Variants in ARHGEF17 observed in about 807,000 individuals in gnomAD.
The protein encoded by ARHGEF17 is 164 kDa Rho-specific guanine-nucleotide exchange factor.
In ARHGEF17, 80 loss-of-function variants were observed where a neutral mutation model predicts 174.0. The ratio of observed to expected loss-of-function variants is 0.46; its 90% CI spans 0.38 to 0.55. ARHGEF17 has a LOEUF of 0.55. ARHGEF17 is among the 20% of genes least tolerant of loss of function. The pLI is 0.00. For missense variants in ARHGEF17, 2,886 were observed against 2,839.7 expected, an observed-to-expected ratio of 1.02 and a Z score of -0.37; for synonymous variants, 1,311 against 1,189.1, an observed-to-expected ratio of 1.10 and a Z score of -2.11.
Position 73,355,539 on chromosome 11 carries a change from A to G in ARHGEF17, c.3460A>G (p.Lys1154Glu), listed in dbSNP as rs768429653. The part of the protein sequence containing the change: ...VGALLVQSFS[K>E]DVLVNIYSAY... The stretch of plus-strand genomic sequence containing the variant: ...CCTGCCTCCTCCTCCACAGTTCTCC[A>G]AGGATGTCCTAGTAAACATCTATTC... The change falls in exon 4 of 21, where the codon AAG becomes GAG. Residue 1154 changes from lysine to glutamate, a missense_variant. Transcript: ENST00000263674. The G allele has an allele frequency of 1.2e-5, 20 of 1,613,188 alleles. No homozygotes were observed. Among genetic ancestry groups the G allele is most frequent in the African/African-American group, 1.2e-4 (9 of 74,908 alleles).
chr11:73,346,674 G>A (rs1288010780), intron 1 of ARHGEF17, among the ~76,000 whole-genome samples: 2 of 152,132 alleles, frequency 1.3e-5, no homozygotes, highest in African/African-American at 2.4e-5. Context: ...GGTGTAAGTC[G>A]GGGGCAGGGG....
chr11:73,315,603 G>A (rs895159218), intron 1 of ARHGEF17, among the ~76,000 whole-genome samples: 3 of 152,170 alleles, frequency 2.0e-5, no homozygotes, highest in African/African-American at 4.8e-5. Flanking sequence ...TTGGAATTCT[G>A]AGCGGTACCA....
chr11:73,360,187 A>G (rs959134720), intron 10 of ARHGEF17, 133 bp from the exon 11 acceptor site: 18 of 1,064,624 alleles, frequency 1.7e-5, no homozygotes, highest in Non-Finnish European at 2.4e-5. Context: ...CCATATATCA[A>G]AGGAATCCAG....
chr11:73,310,229 C>A lies in ARHGEF17; in HGVS notation c.1591C>A (p.Arg531Ser). ...CCCAGCCCCAGCATCACCTGGCACG[C>A]GCCCCACACTCAAGGACTTGACAGC... is the stretch of plus-strand genomic sequence containing the variant. ...PIPAPASPGT[R>S]PTLKDLTATL... The change falls in exon 1 of 21, where the codon CGC becomes AGC. Residue 531 changes from arginine (R) to serine (S), a missense_variant. Around this residue, in one of 4 missense-constraint regions of ARHGEF17, gnomAD observed 1,728 missense variants for 1,461.2 expected, o/e 1.18. Coordinates refer to ENST00000263674, the MANE Select transcript of ARHGEF17 (RefSeq NM_014786.4). The A allele has an allele frequency of 1.2e-6, 2 of 1,614,008 alleles. No individual in the cohort carries two copies. Among genetic ancestry groups the A allele is most frequent in the Non-Finnish European group, 8.5e-7 (1 of 1,180,042 alleles).
intron 6 of ARHGEF17, 51 bp from the exon 7 acceptor site, chr11:73,356,658 A>T: frequency 2.5e-6 from 4 of 1,609,618 alleles, no homozygotes; most frequent in Non-Finnish European, 3.4e-6. Context: ...TTTGGAGGGG[A>T]TAGGGATTAA....
intron 1 of ARHGEF17, among the ~76,000 whole-genome samples, chr11:73,336,278 C>G (rs1865285192): frequency 6.6e-6 from 1 of 152,200 alleles, no homozygotes; most frequent in Admixed American, 6.5e-5. Context: ...ATACATAACT[C>G]AGAGGACTGG....
Position 73,363,949 on chromosome 11 carries a change from G to A in ARHGEF17, c.5333+116G>A, listed in dbSNP as rs1347068078. Reference sequence around the variant, plus strand: ...TCCCTCCTCTGTGTGGAGGCTGGAAGCCAGAGGCCTGGCCCTAGGCTAGCT... The same window carrying A: ...TCCCTCCTCTGTGTGGAGGCTGGAAACCAGAGGCCTGGCCCTAGGCTAGCT... On this transcript the variant is annotated intron_variant, in intron 16 of 20. Coordinates refer to ENST00000263674, the MANE Select transcript of ARHGEF17 (RefSeq NM_014786.4). 5.7e-6 allele frequency: 7 copies of A among 1,237,134 alleles called. No individual in the cohort carries two copies. In the African/African-American group the frequency reaches 8.9e-5, roughly 16 times the overall value. The allele number at this position is 1,237,134 out of a possible 1,614,324, so 76.6% of individuals were successfully genotyped here.
rs1266946433 is a variant in ARHGEF17, at chr11:73,308,795, C to T, written c.157C>T (p.Gln53Ter). The T allele has an allele frequency of 7.3e-7, 1 of 1,377,538 alleles. No homozygotes were observed. Among genetic ancestry groups the T allele is most frequent in the Non-Finnish European group, 9.3e-7 (1 of 1,073,046 alleles). The allele number at this position is 1,377,538 out of a possible 1,614,324, so 85.3% of individuals were successfully genotyped here. A position where few individuals can be genotyped will look rare whatever the true frequency, so the allele number is the denominator to read the frequency against. The change falls in exon 1 of 21, where the codon CAG becomes TAG. Residue 53 changes from glutamine (Q) to a stop codon, truncating the protein, a stop_gained. Coordinates refer to ENST00000263674, the MANE Select transcript of ARHGEF17 (RefSeq NM_014786.4). LOFTEE classifies it high-confidence loss of function. ...CCGGCCGACCACGGCTGCCCGGGGC[C>T]AGCCCTCTCGGCGCGTGTCCAAGCT... is the stretch of plus-strand genomic sequence containing the variant. ...SCRPTTAARG[Q>*]PSRRVSKLAS... is the part of the protein sequence containing the mutation.
intron 1 of ARHGEF17, among the ~76,000 whole-genome samples, chr11:73,333,647 G>T (rs1865244494): frequency 6.6e-6 from 1 of 152,176 alleles, no homozygotes. Flanking sequence ...TGGAGTGACC[G>T]ACTGATGGGT....
At position 73,310,998 on chromosome 11, in the gene ARHGEF17, C is replaced by A. The variant is rs775130420; in HGVS notation, c.2360C>A (p.Ser787Tyr). 6.2e-7 allele frequency: 1 copy of A among 1,614,164 alleles called. No individual in the cohort carries two copies. Among genetic ancestry groups the A allele is most frequent in the Admixed American group, 1.7e-5 (1 of 60,024 alleles). The change falls in exon 1 of 21, where the codon TCT becomes TAT. Residue 787 changes from serine to tyrosine, a missense_variant. Ser to Tyr is a moderately radical substitution (Grantham distance 144, BLOSUM62 -2). Around this residue, in one of 4 missense-constraint regions of ARHGEF17, gnomAD observed 1,728 missense variants for 1,461.2 expected, o/e 1.18. Transcript: ENST00000263674. ...TTGACCAGTGGTCACAGTGACTGGT[C>A]TGTGGGCAGTGAAGAGAGCAAGGGA... ...EGLTSGHSDWSVGSEESKGYQ... is the reference protein window; with the variant it reads ...EGLTSGHSDWYVGSEESKGYQ...
At chr11:73,352,482 G>A (rs1028284669) in intron 2 of ARHGEF17, among the ~76,000 whole-genome samples, 6 of 152,288 alleles carry the variant, frequency 3.9e-5, no homozygotes, top group Middle Eastern at 3.4e-3. Flanking sequence ...TGCCTGGTAC[G>A]TAGTAAGTGC....
chr11:73,361,725 G>A (rs964858538), intron 12 of ARHGEF17, among the ~76,000 whole-genome samples: 1 of 151,954 alleles, frequency 6.6e-6, no homozygotes, highest in Non-Finnish European at 1.5e-5. Flanking sequence ...TTAGTGGCGC[G>A]CCCCTGTGGT....
In ARHGEF17 at chr11:73,364,155, C is replaced by T; in HGVS notation, c.5334-17C>T. 1 of 1,613,956 alleles carries T rather than the reference C, an allele frequency of 6.2e-7. No homozygotes were observed. Among genetic ancestry groups the T allele is most frequent in the Non-Finnish European group, 8.5e-7 (1 of 1,179,924 alleles). On this transcript the variant is annotated splice_polypyrimidine_tract_variant and intron_variant, in intron 16 of 20. Coordinates refer to ENST00000263674, the MANE Select transcript of ARHGEF17 (RefSeq NM_014786.4). Reference sequence around the variant, plus strand: ...GCTGCCTGAACTCCCTTACTGCTTCCTCTTTTCCCTACCCAGGTATCTGAA... The same window carrying T: ...GCTGCCTGAACTCCCTTACTGCTTCTTCTTTTCCCTACCCAGGTATCTGAA...
chr11:73,336,141 T>C (rs753347815), intron 1 of ARHGEF17, among the ~76,000 whole-genome samples: 1 of 152,208 alleles, frequency 6.6e-6, no homozygotes, highest in Non-Finnish European at 1.5e-5. Context: ...GTCACTCAGC[T>C]TCTCTGATAT....
chr11:73,362,108 C>G lies in ARHGEF17; in HGVS notation c.4563C>G (p.Ser1521Arg), dbSNP rs140589138. 26 of 1,612,422 alleles carry G rather than the reference C, an allele frequency of 1.6e-5. No individual in the cohort carries two copies. Among genetic ancestry groups the G allele is most frequent in the Non-Finnish European group, 2.1e-5 (25 of 1,179,868 alleles). The part of the protein sequence containing the change: ...EPSPEVWVCN[S>R]DGYVGQVCLL... ...CGCCTGAGGTATGGGTCTGCAACAG[C>G]GACGGCTACGTGGGCCAGGTGTGCC... is the stretch of plus-strand genomic sequence containing the variant. The change falls in exon 13 of 21, where the codon AGC (serine) becomes AGG (arginine). Residue 1521 changes from serine (S) to arginine (R), a missense_variant. Ser to Arg is a moderately radical substitution (Grantham distance 110, BLOSUM62 -1). This residue lies in a region of ARHGEF17 where 476 missense variants were observed against 473.1 expected (regional missense o/e 1.01). Transcript: ENST00000263674.
At chr11:73,318,699 G>A (rs562318277) in intron 1 of ARHGEF17, among the ~76,000 whole-genome samples, 2 of 152,292 alleles carry the variant, frequency 1.3e-5, no homozygotes, top group South Asian at 2.1e-4. Context: ...TGAAGAAGCC[G>A]CCAGGCAGGA....
chr11:73,325,523 C>T (rs541717874), intron 1 of ARHGEF17, among the ~76,000 whole-genome samples: 1 of 152,322 alleles, frequency 6.6e-6, no homozygotes, highest in African/African-American at 2.4e-5. Flanking sequence ...GCTTGAGGAG[C>T]ATCGCATATA....
intron 1 of ARHGEF17, among the ~76,000 whole-genome samples, chr11:73,336,518 C>T (rs1865289145): frequency 6.6e-6 from 1 of 152,194 alleles, no homozygotes; most frequent in South Asian, 2.1e-4. Context: ...TGAGGGCTAC[C>T]ACCTCCATCC....
At chr11:73,351,651 G>A (rs1005850550) in intron 2 of ARHGEF17, among the ~76,000 whole-genome samples, 5 of 151,880 alleles carry the variant, frequency 3.3e-5, no homozygotes, top group African/African-American at 1.2e-4. Context: ...GCGCGATCTC[G>A]GCTCACTGCC....
Sources: allele counts gnomAD v4.1 joint callset (sites outside exome capture counted in the v4.1 genomes callset), GRCh38; gene constraint gnomAD v4.1.1; regional missense constraint gnomAD v4.1.1; transcripts MANE v1.5; gene names NCBI Gene and HGNC (gene_info 2026-07-23, HGNC 2026-07-21).